RRP12: variants seen among roughly 807,000 people sequenced by gnomAD.
RRP12 encodes ribosomal RNA processing 12 homolog.
Under a neutral mutation model 157.3 loss-of-function variants are expected in RRP12, and 78 were observed. The ratio of observed to expected loss-of-function variants is 0.50; its 90% confidence interval spans 0.41 to 0.60. The LOEUF (loss-of-function observed/expected upper bound fraction) is 0.60. Ranked by LOEUF, RRP12 falls within the 20% of genes least tolerant of loss-of-function variation. The pLI, the probability that RRP12 is intolerant of heterozygous loss-of-function variation, is 0.00. For missense variants in RRP12, 1,521 were observed against 1,679.9 expected, an observed-to-expected ratio of 0.91 and a Z score of 1.65; for synonymous variants, 726 against 670.9, an observed-to-expected ratio of 1.08 and a Z score of -1.27.
Position 97,358,519 on chromosome 10 carries a change from C to T in RRP12, c.3791+18G>A, listed in dbSNP as rs757336379. The T allele has an allele frequency of 2.4e-5, 39 of 1,602,294 alleles. No individual in the cohort carries two copies. Among genetic ancestry groups the T allele is most frequent in the Admixed American group, 5.0e-5 (3 of 59,976 alleles). On this transcript the variant is annotated intron_variant, in intron 33 of 33. Coordinates refer to ENST00000370992, the MANE Select transcript of RRP12 (RefSeq NM_015179.4). ...CACCCATCCTCCAGCCCCCAGCCTGCCTGGCACAGCGTCATACCTGCGGTT... is the reference window on the plus strand; with the variant it reads ...CACCCATCCTCCAGCCCCCAGCCTGTCTGGCACAGCGTCATACCTGCGGTT...
In RRP12 at chr10:97,356,875, G is replaced by A. The variant is rs1843725124; in HGVS notation, c.*219C>T. On this transcript the variant is annotated 3_prime_UTR_variant, in exon 34 of 34. Transcript: ENST00000370992. Reference sequence around the variant, plus strand: ...CTCATGGCACCTACTCAGAGGCACTGAGGCCACATTCCCATCTCCAGGCAC... The same window carrying A: ...CTCATGGCACCTACTCAGAGGCACTAAGGCCACATTCCCATCTCCAGGCAC... 2.1e-6 allele frequency: 1 copy of A among 485,526 alleles called. No homozygotes were observed. The highest frequency in any genetic ancestry group is 2.0e-5 in the African/African-American group (1 of 49,794). 30.1% of individuals were successfully genotyped at this position (485,526 alleles called of 1,614,324 possible).
chr10:97,390,895 T>C, intron 4 of RRP12, 51 bp from the exon 5 acceptor site: 1 of 1,222,288 alleles, frequency 8.2e-7, no homozygotes, highest in Non-Finnish European at 1.2e-6. Context: ...GAAGAGCAGC[T>C]GGTGCAGCCC....
At chr10:97,399,568 A>G (rs567718299) in intron 2 of RRP12, among the ~76,000 whole-genome samples, 1 of 152,106 alleles carries the variant, frequency 6.6e-6, no homozygotes, top group Non-Finnish European at 1.5e-5. Context: ...AAATAATAAA[A>G]GTAAGGCCAG....
intron 3 of RRP12, among the ~76,000 whole-genome samples, chr10:97,395,808 G>T (rs1420606200): frequency 1.3e-5 from 2 of 149,778 alleles, no homozygotes; most frequent in African/African-American, 4.9e-5. Context: ...TTGAGAACAT[G>T]CCATTGCACT....
At chr10:97,361,105 C>T (rs1050211440) in intron 30 of RRP12, among the ~76,000 whole-genome samples, 2 of 152,228 alleles carry the variant, frequency 1.3e-5, no homozygotes, top group Non-Finnish European at 2.9e-5. Flanking sequence ...GATCTAGTTC[C>T]TGTGCTCCAC....
chr10:97,396,323 CTG>C, intron 2 of RRP12, 22 bp from the exon 3 acceptor site: 5 of 1,601,924 alleles, frequency 3.1e-6, no homozygotes, highest in Non-Finnish European at 4.3e-6. Flanking sequence ...GGAGAAAGCA[CTG>C]TGACTATTTT....
chr10:97,366,738 TCA>T lies in RRP12; in HGVS notation c.3215+2_3215+3del. The T allele has an allele frequency of 6.2e-7, 1 of 1,612,640 alleles. No homozygotes were observed. The highest frequency in any genetic ancestry group is 8.5e-7 in the Non-Finnish European group (1 of 1,179,054). ...CGGGTCCCATGGCCCTAACATGGTC[TCA>T]CCTGTCACCTTTGCCCTGGGCGGGC... On this transcript the variant is annotated splice_donor_variant and splice_donor_region_variant and intron_variant, in intron 27 of 33. Transcript: ENST00000370992. LOFTEE classifies it high-confidence loss of function.
chr10:97,393,776 A>AG lies in RRP12; in HGVS notation c.454-17dup. On this transcript the variant is annotated splice_polypyrimidine_tract_variant and intron_variant, in intron 3 of 33. Transcript: ENST00000370992. ...TTGTTGTCATCTGAGGGCCAGATTG[A>AG]GGGGGTTTGAATGGATAAAAACTTA... is the stretch of plus-strand genomic sequence containing the variant. 1 of 1,611,344 alleles carries AG rather than the reference A, an allele frequency of 6.2e-7. No individual in the cohort carries two copies. The highest frequency in any genetic ancestry group is 1.3e-5 in the African/African-American group (1 of 74,934).
intron 12 of RRP12, 145 bp downstream of exon 12, chr10:97,381,241 G>A: frequency 1.5e-6 from 1 of 657,156 alleles, no homozygotes; most frequent in Non-Finnish European, 2.6e-6. Flanking sequence ...TGCTCCGGCA[G>A]ATGTTCAGTA....
chr10:97,385,776 G>A, intron 9 of RRP12, 119 bp downstream of exon 9: 1 of 706,042 alleles, frequency 1.4e-6, no homozygotes, highest in African/African-American at 1.8e-5. Flanking sequence ...CTTCCACTAG[G>A]ACAACCCAGC....
intron 8 of RRP12, among the ~76,000 whole-genome samples, chr10:97,387,819 G>T (rs958849770): frequency 6.6e-6 from 1 of 151,706 alleles, no homozygotes; most frequent in Admixed American, 6.6e-5. Context: ...GTGCATGCCT[G>T]TAATCCCAGC....
chr10:97,377,483 C>G (rs1428813728), intron 15 of RRP12, among the ~76,000 whole-genome samples: 1 of 152,094 alleles, frequency 6.6e-6, no homozygotes, highest in South Asian at 2.1e-4. Flanking sequence ...GAACTGAGAT[C>G]GTGCCACTGC....
At chr10:97,372,038 G>A (rs376338649) in intron 20 of RRP12, 35 bp downstream of exon 20, 104 of 1,483,142 alleles carry the variant, frequency 7.0e-5, no homozygotes, top group Admixed American at 1.2e-4. Flanking sequence ...GCCCCCAAGC[G>A]TGGCTGTGTG....
chr10:97,398,394 C>A (rs1464121586), intron 2 of RRP12, among the ~76,000 whole-genome samples: 1 of 136,902 alleles, frequency 7.3e-6, no homozygotes, highest in African/African-American at 2.8e-5. Flanking sequence ...CGTTCTGTCA[C>A]CCAGGCTGAA....
chr10:97,368,447 T>A (rs1844050499), intron 25 of RRP12, among the ~76,000 whole-genome samples: 1 of 152,086 alleles, frequency 6.6e-6, no homozygotes, highest in Non-Finnish European at 1.5e-5. Flanking sequence ...AACATCCGCC[T>A]CCCAGGTTCA....
At chr10:97,386,112 C>T in intron 8 of RRP12, 119 bp from the exon 9 acceptor site, 1 of 635,590 alleles carries the variant, frequency 1.6e-6, no homozygotes, top group Non-Finnish European at 2.9e-6. Context: ...ACATGCCCCC[C>T]ACACAGAGAC....
At chr10:97,401,067 C>A in intron 1 of RRP12, 26 bp downstream of exon 1, 1 of 1,609,774 alleles carries the variant, frequency 6.2e-7, no homozygotes, top group Non-Finnish European at 8.5e-7. Flanking sequence ...CCGCCCCCGG[C>A]TGCGCTCGGG....
At chr10:97,380,244 G>T (rs1844428847) in intron 13 of RRP12, among the ~76,000 whole-genome samples, 1 of 152,182 alleles carries the variant, frequency 6.6e-6, no homozygotes, top group Non-Finnish European at 1.5e-5. Flanking sequence ...TCCCACCAGG[G>T]TTCCTTTTTT....
chr10:97,382,282 C>T (rs576104962), intron 10 of RRP12, among the ~76,000 whole-genome samples: 2 of 151,914 alleles, frequency 1.3e-5, no homozygotes, highest in Non-Finnish European at 2.9e-5. Context: ...GTAGCTGGGG[C>T]TACAGGCACA....
Sources: allele counts gnomAD v4.1 joint callset (sites outside exome capture counted in the v4.1 genomes callset), GRCh38; gene constraint gnomAD v4.1.1; transcripts MANE v1.5; gene names NCBI Gene and HGNC (gene_info 2026-07-23, HGNC 2026-07-21).